The following LRRC2 variants were observed in gnomAD, a reference collection of about 807,000 sequenced individuals.
The protein encoded by LRRC2 is leucine-rich repeat-containing protein 2.
Under a neutral mutation model 40.2 loss-of-function variants are expected in LRRC2, and 27 were observed. The observed-to-expected ratio is 0.67, with a 90% CI of 0.49 to 0.93. The LOEUF is 0.93. LRRC2 is among the 40% of genes least tolerant of loss of function. The pLI is 0.00. For missense variants in LRRC2, 402 were observed against 439.6 expected, an observed-to-expected ratio of 0.91 and a Z score of 0.76; for synonymous variants, 147 against 158.9, an observed-to-expected ratio of 0.92 and a Z score of 0.56.
rs1479102588 is a variant in LRRC2, at chr3:46,518,758, A to G, written c.*256T>C. ...AATAAGACATTTTAAAACATATTAAATGTGCATTATTTGGAAAAAAGTATA... is the reference window on the plus strand; with the variant it reads ...AATAAGACATTTTAAAACATATTAAGTGTGCATTATTTGGAAAAAAGTATA... On this transcript the variant is annotated 3_prime_UTR_variant, in exon 9 of 9. Coordinates refer to ENST00000395905, the MANE Select transcript of LRRC2 (RefSeq NM_024512.5). The G allele has an allele frequency of 2.5e-6, 1 of 404,212 alleles. No homozygotes were observed. Among genetic ancestry groups the G allele is most frequent in the Non-Finnish European group, 4.4e-6 (1 of 229,428 alleles). 25.0% of individuals were successfully genotyped at this position (404,212 alleles called of 1,614,324 possible).
chr3:46,566,274 G>A lies in LRRC2; in HGVS notation c.-117C>T, dbSNP rs1705060269. The A allele has an allele frequency of 6.6e-6, 1 of 150,962 alleles. No homozygotes were observed. The highest frequency in any genetic ancestry group is 2.2e-4 in the South Asian group (1 of 4,550). 9.4% of individuals were successfully genotyped at this position (150,962 alleles called of 1,614,324 possible). ...ACCGCAGAGGCTGTTTACACCCGCT[G>A]AGCAGCACGGCCGAGCCGGAAGAAG... On this transcript the variant is annotated 5_prime_UTR_variant, in exon 1 of 9. Transcript: ENST00000395905.
chr3:46,550,541 G>A (rs1171626289), intron 2 of LRRC2, among the ~76,000 whole-genome samples: 7 of 152,016 alleles, frequency 4.6e-5, no homozygotes, highest in South Asian at 2.1e-4. Flanking sequence ...ACAGGCGCCC[G>A]CCACCACGCC....
intron 3 of LRRC2, among the ~76,000 whole-genome samples, chr3:46,540,158 T>C (rs1312528809): frequency 6.6e-6 from 1 of 152,234 alleles, no homozygotes; most frequent in Non-Finnish European, 1.5e-5. Flanking sequence ...ATTGCCCTCC[T>C]GTGTGTGGGT....
intron 1 of LRRC2, among the ~76,000 whole-genome samples, chr3:46,553,333 T>C (rs969564374): frequency 6.6e-6 from 1 of 152,256 alleles, no homozygotes; most frequent in Non-Finnish European, 1.5e-5. Context: ...ATCCATGCCC[T>C]GATTTGCACA....
At chr3:46,522,808 C>CACACACACAA (rs1391856123) in intron 7 of LRRC2, among the ~76,000 whole-genome samples, 17 of 145,118 alleles carry the variant, frequency 1.2e-4, no homozygotes, top group Admixed American at 2.1e-4. Flanking sequence ...CACACACACA[C>CACACACACAA]AAGCTAAAGG....
intron 1 of LRRC2, among the ~76,000 whole-genome samples, chr3:46,555,488 T>C (rs1446622933): frequency 2.0e-5 from 3 of 152,156 alleles, no homozygotes; most frequent in African/African-American, 7.2e-5. Flanking sequence ...TTTTAGTTTC[T>C]CTATTATATA....
intron 1 of LRRC2, among the ~76,000 whole-genome samples, chr3:46,561,709 C>CACCA (rs1170414634): frequency 6.6e-6 from 1 of 152,190 alleles, no homozygotes; most frequent in Non-Finnish European, 1.5e-5. Flanking sequence ...CCTACTCAGT[C>CACCA]ACCAGCTCCT....
chr3:46,530,828 G>C (rs1704146392), intron 5 of LRRC2, among the ~76,000 whole-genome samples: 1 of 152,154 alleles, frequency 6.6e-6, no homozygotes, highest in African/African-American at 2.4e-5. Flanking sequence ...ACAACGTGTG[G>C]GAATTATGGG....
At chr3:46,558,811 T>C (rs1704872178) in intron 1 of LRRC2, 1 of 152,176 alleles carries the variant, frequency 6.6e-6, no homozygotes. Context: ...CTCCACTCTT[T>C]TGGGCTATAG....
chr3:46,527,612 G>A, intron 6 of LRRC2, 31 bp from the exon 7 acceptor site: 2 of 1,595,586 alleles, frequency 1.3e-6, no homozygotes. Context: ...TCATAGCACT[G>A]GACTTAGCAT....
Position 46,548,627 on chromosome 3 carries a change from C to G in LRRC2, c.125+2840G>C, listed in dbSNP as rs1030387510. 1.3e-5 allele frequency among the ~76,000 whole-genome samples: 2 copies of G among 152,152 alleles called. 1 individual carries two copies. The highest frequency in any genetic ancestry group is 4.1e-4 in the South Asian group (2 of 4,824). ...AATACCTTTTCCTTAGGAAAGGAAACCACAATCCCAGCCCAGATGGCAAAC... is the reference window on the plus strand; with the variant it reads ...AATACCTTTTCCTTAGGAAAGGAAAGCACAATCCCAGCCCAGATGGCAAAC... On this transcript the variant is annotated intron_variant, in intron 2 of 8. Coordinates refer to ENST00000395905, the MANE Select transcript of LRRC2 (RefSeq NM_024512.5).
intron 4 of LRRC2, among the ~76,000 whole-genome samples, chr3:46,537,530 C>T (rs996993687): frequency 6.6e-6 from 1 of 152,148 alleles, no homozygotes; most frequent in African/African-American, 2.4e-5. Flanking sequence ...GAAGAAGTTC[C>T]TTAGTGTAAT....
chr3:46,539,007 A>G (rs1262780452), intron 4 of LRRC2, 38 bp downstream of exon 4: 1 of 1,599,576 alleles, frequency 6.3e-7, no homozygotes, highest in African/African-American at 1.3e-5. Context: ...CCTGCTTAAC[A>G]CACCAGAGGC....
intron 5 of LRRC2, among the ~76,000 whole-genome samples, chr3:46,531,523 T>A (rs924996753): frequency 3.3e-5 from 5 of 152,114 alleles, no homozygotes; most frequent in Non-Finnish European, 7.3e-5. Context: ...CAGAATATAT[T>A]CTGGAGGGCA....
chr3:46,537,408 G>T (rs1354404105), intron 4 of LRRC2, among the ~76,000 whole-genome samples: 1 of 152,134 alleles, frequency 6.6e-6, no homozygotes, highest in Admixed American at 6.6e-5. Flanking sequence ...CCTAAAAAGG[G>T]TTTTTAAAAG....
rs775663195 is a variant in LRRC2, at chr3:46,529,931, CA to C, written c.746del (p.Leu249ArgfsTer8). The C allele has an allele frequency of 2.5e-6, 4 of 1,613,938 alleles. No individual in the cohort carries two copies. In the African/African-American group the frequency reaches 5.3e-5, roughly 22 times the overall value. ...TGTCTATATCTTGCGGCAGGTCGGTCAGGTTATTGCTGCTGATATCCAACCA... is the reference window on the plus strand; with the variant it reads ...TGTCTATATCTTGCGGCAGGTCGGTCGGTTATTGCTGCTGATATCCAACCA... Reference protein sequence around the residue: ...LQWLDISSNNLTDLPQDIDRL... With the variant: ...LQWLDISSNNXTDLPQDIDRL... On this transcript the variant is annotated frameshift_variant, in exon 6 of 9. Coordinates refer to ENST00000395905, the MANE Select transcript of LRRC2 (RefSeq NM_024512.5). LOFTEE classifies it high-confidence loss of function.
At position 46,547,668 on chromosome 3, in the gene LRRC2, GA is replaced by G. The variant is rs869095351; in HGVS notation, c.126-2416del. On this transcript the variant is annotated intron_variant, in intron 2 of 8. Coordinates refer to ENST00000395905, the MANE Select transcript of LRRC2 (RefSeq NM_024512.5). ...GAGACTTGTCCCAAAAAAATTACAA[GA>G]AAAAAAAAAATATATATATAACATA... Among the ~76,000 whole-genome samples, 153 of 123,592 alleles carry G rather than the reference GA, an allele frequency of 1.2e-3. 1 individual carries two copies. Among genetic ancestry groups the G allele is most frequent in the African/African-American group, 4.0e-3 (136 of 33,798 alleles). The allele number at this position is 123,592 out of a possible 152,430, so 81.1% of individuals were successfully genotyped here. A position where few individuals can be genotyped will look rare whatever the true frequency, so the allele number is the denominator to read the frequency against.
chr3:46,530,732 C>G (rs1022563286), intron 5 of LRRC2, among the ~76,000 whole-genome samples: 6 of 152,148 alleles, frequency 3.9e-5, no homozygotes, highest in African/African-American at 1.4e-4. Flanking sequence ...TATAAAACCA[C>G]CAGATCTCAT....
At chr3:46,521,328 GA>G (rs1452300557) in intron 8 of LRRC2, among the ~76,000 whole-genome samples, 193 bp downstream of exon 8, 2 of 152,112 alleles carry the variant, frequency 1.3e-5, no homozygotes, top group African/African-American at 4.8e-5. Flanking sequence ...CATTCAAATG[GA>G]CTAGCACAAT....
Sources: gnomAD v4.1 joint callset for allele counts (sites outside exome capture counted in the v4.1 genomes callset) on GRCh38, gnomAD v4.1.1 for gene constraint, MANE v1.5 for transcripts, NCBI Gene and HGNC (gene_info 2026-07-23, HGNC 2026-07-21) for gene names.